Variants in UBR1 observed in about 807,000 individuals in gnomAD.
UBR1 encodes ubiquitin protein ligase E3 component n-recognin 1.
A neutral mutation model predicts 242.1 loss-of-function variants in UBR1; 102 were observed. That is an observed-to-expected ratio of 0.42 (90% CI 0.36 to 0.50). The LOEUF (loss-of-function observed/expected upper bound fraction) is 0.50, where lower values mean the gene tolerates loss of function less well. Ranked by LOEUF, UBR1 falls within the 20% of genes least tolerant of loss-of-function variation. The pLI is 0.01. For missense variants in UBR1, 1,772 were observed against 2,101.8 expected, an observed-to-expected ratio of 0.84 and a Z score of 3.07; for synonymous variants, 675 against 684.8, an observed-to-expected ratio of 0.99 and a Z score of 0.22.
chr15:42,962,929 G>A (rs925488046), intron 42 of UBR1, among the ~76,000 whole-genome samples: 5 of 152,194 alleles, frequency 3.3e-5, no homozygotes, highest in African/African-American at 4.8e-5. Context: ...TAGGGCAGAG[G>A]ATGAGAGAAG....
At chr15:43,047,060 A>G in intron 14 of UBR1, 101 bp downstream of exon 14, 1 of 1,375,054 alleles carries the variant, frequency 7.3e-7, no homozygotes. Flanking sequence ...TACTATAAAT[A>G]ATAAAAACTT....
intron 27 of UBR1, 199 bp downstream of exon 27, chr15:43,021,076 C>CA (rs200329477): frequency 1.1e-4 from 55 of 488,160 alleles, no homozygotes; most frequent in Admixed American, 1.4e-4. Flanking sequence ...TAAATAACGA[C>CA]AAAAAAAATG....
chr15:43,022,412 TA>T (rs2033121587), intron 26 of UBR1, among the ~76,000 whole-genome samples: 1 of 144,838 alleles, frequency 6.9e-6, no homozygotes, highest in South Asian at 2.2e-4. Context: ...GAATGAAAGT[TA>T]AAAAATACCA....
At chr15:43,046,602 T>G (rs1039665861) in intron 14 of UBR1, among the ~76,000 whole-genome samples, 41 of 152,152 alleles carry the variant, frequency 2.7e-4, no homozygotes, top group Non-Finnish European at 1.9e-4. Flanking sequence ...CTGAATAGGT[T>G]ATGGTAACAG....
In UBR1 at chr15:42,968,593, T is replaced by C. The variant is rs187352763; in HGVS notation, c.4457+1927A>G. Among the ~76,000 whole-genome samples, 216 of 152,172 alleles carry C rather than the reference T, an allele frequency of 1.4e-3. 1 individual carries two copies. Among genetic ancestry groups the C allele is most frequent in the South Asian group, 5.0e-3 (24 of 4,820 alleles). On this transcript the variant is annotated intron_variant, in intron 40 of 46. Coordinates refer to ENST00000290650, the MANE Select transcript of UBR1 (RefSeq NM_174916.3). ...TGCAGGTTTGTTATATAGGTATACA[T>C]GTGTCATGGTGGAGGTTTGCTGCAC...
chr15:43,013,990 T>C (rs1225483888), intron 29 of UBR1, among the ~76,000 whole-genome samples: 1 of 152,030 alleles, frequency 6.6e-6, no homozygotes, highest in Non-Finnish European at 1.5e-5. Context: ...CGCCTGATTC[T>C]CCTGCCTCAG....
In UBR1 at chr15:42,966,155, G is replaced by T; in HGVS notation, c.4589C>A (p.Thr1530Asn). ...LGVTPPEELH[T>N]NSAEGEYSAL... Reference sequence around the variant, plus strand: ...CATGATTTCATTTTTCTACTTACTGGTATGCAGTTCCTCAGGCGGAGTTAC... The same window carrying T: ...CATGATTTCATTTTTCTACTTACTGTTATGCAGTTCCTCAGGCGGAGTTAC... Residue 1530 changes from threonine to asparagine, a missense_variant and splice_region_variant, in exon 41 of 47, where the codon ACC (threonine) becomes AAC (asparagine). Physicochemically the swap from Thr to Asn is moderately conservative, Grantham distance 65. Coordinates refer to ENST00000290650, the MANE Select transcript of UBR1 (RefSeq NM_174916.3). 6.2e-7 allele frequency: 1 copy of T among 1,614,004 alleles called. No homozygotes were observed. Among genetic ancestry groups the T allele is most frequent in the South Asian group, 1.1e-5 (1 of 91,064 alleles).
intron 32 of UBR1, among the ~76,000 whole-genome samples, chr15:42,998,530 T>G (rs1203197152): frequency 6.6e-6 from 1 of 152,200 alleles, no homozygotes; most frequent in Non-Finnish European, 1.5e-5. Context: ...CCATTCTAGT[T>G]GCTCCAGTCA....
chr15:42,966,328 G>C, intron 40 of UBR1, 42 bp from the exon 41 acceptor site: 1 of 1,612,020 alleles, frequency 6.2e-7, no homozygotes, highest in Non-Finnish European at 8.5e-7. Flanking sequence ...ATACATATCA[G>C]ACTAAAGCCC....
chr15:43,065,822 G>GT (rs933613020), intron 6 of UBR1, among the ~76,000 whole-genome samples: 8 of 151,764 alleles, frequency 5.3e-5, no homozygotes, highest in Non-Finnish European at 1.2e-4. Context: ...GAGGTTGTTG[G>GT]TTTTTTTTCT....
intron 35 of UBR1, 142 bp downstream of exon 35, chr15:42,988,677 G>C: frequency 2.7e-6 from 3 of 1,126,530 alleles, no homozygotes; most frequent in Non-Finnish European, 4.0e-6. Flanking sequence ...AATGGCATGA[G>C]CCACACTAAT....
At chr15:43,085,846 G>A in intron 2 of UBR1, 138 bp downstream of exon 2, 1 of 907,706 alleles carries the variant, frequency 1.1e-6, no homozygotes, top group Non-Finnish European at 1.6e-6. Context: ...AACCTGGGAG[G>A]CAGAGGTTGC....
chr15:43,009,666 C>G (rs2032887933), intron 29 of UBR1, among the ~76,000 whole-genome samples: 1 of 152,184 alleles, frequency 6.6e-6, no homozygotes, highest in South Asian at 2.1e-4. Context: ...ACAAAAGACT[C>G]AACCCAATGA....
chr15:42,988,707 C>A, intron 35 of UBR1, 112 bp downstream of exon 35: 2 of 1,403,536 alleles, frequency 1.4e-6, no homozygotes, highest in Admixed American at 3.4e-5. Flanking sequence ...TACTAATAGT[C>A]CTCATACAAG....
chr15:43,058,226 C>G, intron 10 of UBR1, 115 bp downstream of exon 10: 1 of 865,536 alleles, frequency 1.2e-6, no homozygotes, highest in Non-Finnish European at 1.8e-6. Context: ...AAACTTTTGA[C>G]AAAGAAATAA....
rs191953616 is a variant in UBR1, at chr15:42,998,668, T to C, written c.3660-403A>G. Reference sequence around the variant, plus strand: ...ATCACTTCTTCCTACCTCTCATTACTACCCCCTAATCCAAGTCACATCAGC... The same window carrying C: ...ATCACTTCTTCCTACCTCTCATTACCACCCCCTAATCCAAGTCACATCAGC... On this transcript the variant is annotated intron_variant, in intron 32 of 46. Coordinates refer to ENST00000290650, the MANE Select transcript of UBR1 (RefSeq NM_174916.3). 5.9e-5 allele frequency among the ~76,000 whole-genome samples: 9 copies of C among 152,314 alleles called. No homozygotes were observed. The East Asian group carries it at 1.5e-3, about 26-fold the overall frequency.
chr15:42,987,911 T>C (rs986998861), intron 35 of UBR1, among the ~76,000 whole-genome samples: 45 of 152,128 alleles, frequency 3.0e-4, no homozygotes, highest in Non-Finnish European at 6.2e-4. Context: ...CCATTCTTAA[T>C]TTTTTCCATG....
intron 41 of UBR1, among the ~76,000 whole-genome samples, 174 bp from the exon 42 acceptor site, chr15:42,964,217 C>T (rs2032069308): frequency 6.6e-6 from 1 of 152,126 alleles, no homozygotes; most frequent in South Asian, 2.1e-4. Flanking sequence ...TGCCTGTAAT[C>T]CCAGCACTTT....
intron 39 of UBR1, among the ~76,000 whole-genome samples, chr15:42,973,985 T>C (rs1217024933): frequency 6.7e-6 from 1 of 148,728 alleles, no homozygotes; most frequent in Admixed American, 6.8e-5. Context: ...ACCTCCCGGG[T>C]TCACGCCATT....
Sources: gnomAD v4.1 joint callset for allele counts (sites outside exome capture counted in the v4.1 genomes callset) on GRCh38, gnomAD v4.1.1 for gene constraint, MANE v1.5 for transcripts, NCBI Gene and HGNC (gene_info 2026-07-23, HGNC 2026-07-21) for gene names.